TMEM163: variants seen among roughly 807,000 people sequenced by gnomAD.
TMEM163 encodes the protein transmembrane protein 163.
A neutral mutation model predicts 29.3 loss-of-function variants in TMEM163; 17 were observed. The observed-to-expected ratio is 0.58, with a 90% confidence interval of 0.40 to 0.87. TMEM163 has a LOEUF of 0.87. Ranked by LOEUF, TMEM163 falls within the 40% of genes least tolerant of loss-of-function variation. The probability of loss-of-function intolerance (pLI) is 0.00; values close to 1 mark genes in which losing one functional copy is unlikely to be tolerated. For synonymous variants in TMEM163, 157 were observed against 160.6 expected (o/e 0.98, Z 0.17); for missense variants, 303 against 381.5 (o/e 0.79, Z 1.71).
intron 2 of TMEM163, among the ~76,000 whole-genome samples, chr2:134,687,106 TAGTC>T (rs925195790): frequency 1.3e-5 from 2 of 152,170 alleles, no homozygotes; most frequent in Non-Finnish European, 2.9e-5. Flanking sequence ...CTTGAAAAAG[TAGTC>T]AGAAAGAAAG....
chr2:134,577,496 A>T (rs143061469), intron 2 of TMEM163, among the ~76,000 whole-genome samples: 8 of 152,326 alleles, frequency 5.3e-5, no homozygotes, highest in Middle Eastern at 3.4e-3. Flanking sequence ...TGAGAGGAGG[A>T]GACCATCCGC....
chr2:134,647,625 T>C (rs1249569929), intron 2 of TMEM163, among the ~76,000 whole-genome samples: 3 of 152,206 alleles, frequency 2.0e-5, no homozygotes, highest in Admixed American at 2.0e-4. Context: ...AGAAAACAGC[T>C]GACAGATCAA....
intron 2 of TMEM163, among the ~76,000 whole-genome samples, chr2:134,606,175 G>C (rs544413861): frequency 6.6e-6 from 1 of 152,090 alleles, no homozygotes. Context: ...AACACAGCAC[G>C]TAATGTCTTT....
chr2:134,504,656 C>A (rs943189573), intron 4 of TMEM163, among the ~76,000 whole-genome samples: 25 of 152,176 alleles, frequency 1.6e-4, no homozygotes, highest in Non-Finnish European at 3.1e-4. Context: ...CCAACGTCAA[C>A]AGGGGAAAGA....
rs57326163 is a variant in TMEM163, at chr2:134,541,772, G to GCACA, written c.458+8794_458+8797dup. Among the ~76,000 whole-genome samples, 197 of 150,100 alleles carry GCACA rather than the reference G, an allele frequency of 1.3e-3. 1 individual carries two copies. Among genetic ancestry groups the GCACA allele is most frequent in the African/African-American group, 4.3e-3 (177 of 40,736 alleles). ...TGGATATACGTGTGTGTACACACGT[G>GCACA]CACACACACACACACACACACACAC... On this transcript the variant is annotated intron_variant, in intron 4 of 7. Coordinates refer to ENST00000281924, the MANE Select transcript of TMEM163 (RefSeq NM_030923.5).
intron 2 of TMEM163, among the ~76,000 whole-genome samples, chr2:134,683,211 A>C (rs922102878): frequency 6.6e-6 from 1 of 152,202 alleles, no homozygotes; most frequent in African/African-American, 2.4e-5. Context: ...AGAATGTACA[A>C]CACCAAGAGT....
At chr2:134,718,677 A>G in intron 1 of TMEM163, 57 bp downstream of exon 1, 3 of 1,097,286 alleles carry the variant, frequency 2.7e-6, no homozygotes, top group Non-Finnish European at 3.3e-6. Context: ...GAGTGGGGAG[A>G]GGCGGGCCCC....
intron 2 of TMEM163, among the ~76,000 whole-genome samples, chr2:134,659,156 T>C (rs1247228125): frequency 6.6e-6 from 1 of 152,196 alleles, no homozygotes; most frequent in Non-Finnish European, 1.5e-5. Flanking sequence ...TGTAACACAA[T>C]GGTATTTGTG....
chr2:134,633,999 ATATATATATATATATATAT>A lies in TMEM163; in HGVS notation c.322+79182_322+79200del, dbSNP rs1558971835. On this transcript the variant is annotated intron_variant, in intron 2 of 7. Transcript: ENST00000281924. ...TATATATATATATATATATATATAT[ATATATATATATATATATAT>A]ATAATAGGACTGTTTTAAGATGCAA... Among the ~76,000 whole-genome samples, 54 of 26,568 alleles carry A rather than the reference ATATATATATATATATATAT, an allele frequency of 2.0e-3. 3 individuals are homozygous for A. Among genetic ancestry groups the A allele is most frequent in the Admixed American group, 6.4e-3 (20 of 3,128 alleles). 17.4% of individuals were successfully genotyped at this position (26,568 alleles called of 152,430 possible).
At chr2:134,630,112 A>G (rs907098649) in intron 2 of TMEM163, among the ~76,000 whole-genome samples, 2 of 152,288 alleles carry the variant, frequency 1.3e-5, no homozygotes, top group Admixed American at 1.3e-4. Context: ...CTGAGTAACA[A>G]TCTGGGCTTC....
chr2:134,570,701 T>C (rs1036712750), intron 2 of TMEM163, among the ~76,000 whole-genome samples: 2 of 152,078 alleles, frequency 1.3e-5, no homozygotes, highest in South Asian at 2.1e-4. Context: ...GACACAGTGA[T>C]AGGACAATCA....
chr2:134,612,658 C>T (rs1466565546), intron 2 of TMEM163, among the ~76,000 whole-genome samples: 1 of 151,584 alleles, frequency 6.6e-6, no homozygotes. Flanking sequence ...GACGACTAAG[C>T]TAACTGAGCA....
intron 5 of TMEM163, among the ~76,000 whole-genome samples, chr2:134,486,270 G>A (rs192265352): frequency 5.3e-4 from 80 of 152,246 alleles, no homozygotes; most frequent in African/African-American, 1.8e-3. Context: ...CAAACTTAAA[G>A]CTCATTTACC....
Position 134,456,754 on chromosome 2 carries a change from T to TCGG in TMEM163, c.829_831dup (p.Pro277dup). The TCGG allele has an allele frequency of 6.2e-7, 1 of 1,613,616 alleles. No homozygotes were observed. The highest frequency in any genetic ancestry group is 8.5e-7 in the Non-Finnish European group (1 of 1,179,908). ...TCGTAGTGACGTGTCTGCCTCACCC[T>TCGG]CGGCACCATGTCGATGAGGAGTCTG... is the stretch of plus-strand genomic sequence containing the variant. On this transcript the variant is annotated inframe_insertion, in exon 8 of 8. Transcript: ENST00000281924.
chr2:134,591,182 A>G (rs1313655880), intron 2 of TMEM163, among the ~76,000 whole-genome samples: 1 of 152,212 alleles, frequency 6.6e-6, no homozygotes, highest in Non-Finnish European at 1.5e-5. Flanking sequence ...ACCCTCTTCC[A>G]GTTCCCCTCT....
At position 134,456,795 on chromosome 2, in the gene TMEM163, A is replaced by G; in HGVS notation, c.810-19T>C. On this transcript the variant is annotated intron_variant, in intron 7 of 7. Transcript: ENST00000281924. ...GAGGAGTCTGCAAAGACGAAGACAG[A>G]CAAGGTCACCTCCATGGCATGGGGC... 1.2e-6 allele frequency: 2 copies of G among 1,612,734 alleles called. No homozygotes were observed. Among genetic ancestry groups the G allele is most frequent in the Non-Finnish European group, 1.7e-6 (2 of 1,179,466 alleles).
At chr2:134,681,771 A>G (rs74502423) in intron 2 of TMEM163, among the ~76,000 whole-genome samples, 5,962 of 152,214 alleles carry the variant, frequency 0.039, 155 homozygotes, top group South Asian at 0.097. Context: ...GGACAAATAA[A>G]CAGGTCACCA....
intron 2 of TMEM163, among the ~76,000 whole-genome samples, chr2:134,555,330 G>T (rs1681024707): frequency 6.6e-6 from 1 of 152,170 alleles, no homozygotes; most frequent in South Asian, 2.1e-4. Context: ...TAAGAATGAG[G>T]TTGGCTTGGA....
At chr2:134,529,168 T>C (rs543267086) in intron 4 of TMEM163, among the ~76,000 whole-genome samples, 1 of 149,764 alleles carries the variant, frequency 6.7e-6, no homozygotes, top group South Asian at 2.1e-4. Context: ...CCGTCTCTAC[T>C]AAAAATAAAA....
Sources: gnomAD v4.1 joint callset for allele counts (sites outside exome capture counted in the v4.1 genomes callset) on GRCh38, gnomAD v4.1.1 for gene constraint, MANE v1.5 for transcripts, NCBI Gene and HGNC (gene_info 2026-07-23, HGNC 2026-07-21) for gene names.